Variants in RORB observed in about 807,000 individuals in gnomAD.
RORB encodes the protein nuclear receptor ROR-beta.
Under a neutral mutation model 59.1 loss-of-function variants are expected in RORB, and 6 were observed. The ratio of observed to expected loss-of-function variants is 0.10; its 90% CI spans 0.06 to 0.20. The LOEUF (loss-of-function observed/expected upper bound fraction) is 0.20, where lower values mean the gene tolerates loss of function less well. Among genes scored for constraint, RORB ranks in the 10% least tolerant of loss-of-function variants. The pLI is 1.00. For missense variants in RORB, 320 were observed against 560.5 expected (o/e 0.57, Z 4.33); for synonymous variants, 215 against 204.5 (o/e 1.05, Z -0.44).
At chr9:74,611,815 CT>C (rs1563952446) in intron 1 of RORB, among the ~76,000 whole-genome samples, 2 of 152,058 alleles carry the variant, frequency 1.3e-5, no homozygotes, top group Non-Finnish European at 2.9e-5. Flanking sequence ...GCCTGGCTAA[CT>C]TTTTTGTATT....
chr9:74,639,476 C>A (rs1055710514), intron 3 of RORB, among the ~76,000 whole-genome samples: 1 of 150,282 alleles, frequency 6.7e-6, no homozygotes, highest in Non-Finnish European at 1.5e-5. Flanking sequence ...ACAGAGTATA[C>A]AGAAATCTAA....
At chr9:74,652,404 C>T (rs563657668) in intron 4 of RORB, among the ~76,000 whole-genome samples, 51 of 152,056 alleles carry the variant, frequency 3.4e-4, no homozygotes, top group African/African-American at 1.2e-3. Flanking sequence ...AAGACTCCAA[C>T]TCAAAAGAAA....
At chr9:74,658,560 C>G (rs1312455454) in intron 4 of RORB, among the ~76,000 whole-genome samples, 2 of 151,848 alleles carry the variant, frequency 1.3e-5, no homozygotes, top group East Asian at 3.9e-4. Flanking sequence ...GTTTATAAAC[C>G]CTGAAGCCTG....
At chr9:74,516,837 C>G (rs1826017836) in intron 1 of RORB, among the ~76,000 whole-genome samples, 1 of 151,924 alleles carries the variant, frequency 6.6e-6, no homozygotes, top group Admixed American at 6.6e-5. Context: ...TTAGCACAAT[C>G]TGGTTGAAAA....
At chr9:74,577,335 A>G (rs1822651730) in intron 1 of RORB, among the ~76,000 whole-genome samples, 2 of 151,982 alleles carry the variant, frequency 1.3e-5, no homozygotes, top group Non-Finnish European at 2.9e-5. Context: ...AATTATTACT[A>G]CTTTAAATTA....
chr9:74,568,444 G>A (rs918794803), intron 1 of RORB, among the ~76,000 whole-genome samples: 20 of 152,054 alleles, frequency 1.3e-4, no homozygotes, highest in African/African-American at 4.8e-4. Context: ...GCTCACGCCT[G>A]TAATCCCAGC....
intron 8 of RORB, among the ~76,000 whole-genome samples, chr9:74,671,418 G>A (rs1371938911): frequency 2.0e-5 from 3 of 152,184 alleles, no homozygotes; most frequent in Non-Finnish European, 4.4e-5. Flanking sequence ...AAATATTCCT[G>A]TGATTTTCTT....
chr9:74,506,563 C>T (rs1033747574), intron 1 of RORB, among the ~76,000 whole-genome samples: 3 of 152,062 alleles, frequency 2.0e-5, no homozygotes, highest in Admixed American at 2.0e-4. Flanking sequence ...TAACATGGGT[C>T]CTCATACTAA....
intron 1 of RORB, among the ~76,000 whole-genome samples, chr9:74,534,254 T>C (rs1358500592): frequency 1.3e-5 from 2 of 151,986 alleles, no homozygotes; most frequent in Non-Finnish European, 1.5e-5. Flanking sequence ...GAATGGTGAA[T>C]GGAGGTTGGT....
chr9:74,538,125 G>T (rs144197129), intron 1 of RORB, among the ~76,000 whole-genome samples: 3 of 152,002 alleles, frequency 2.0e-5, no homozygotes, highest in Non-Finnish European at 4.4e-5. Context: ...ACAGTATTTA[G>T]TTCAGTCACA....
At chr9:74,637,123 A>C (rs948487886) in intron 3 of RORB, among the ~76,000 whole-genome samples, 2 of 152,218 alleles carry the variant, frequency 1.3e-5, no homozygotes, top group African/African-American at 4.8e-5. Flanking sequence ...AAAGTGCTCT[A>C]GAAATTGTAC....
At chr9:74,532,837 T>C (rs1826267417) in intron 1 of RORB, among the ~76,000 whole-genome samples, 1 of 135,126 alleles carries the variant, frequency 7.4e-6, no homozygotes, top group African/African-American at 2.7e-5. Context: ...TGTATATATA[T>C]ACACATATAT....
At position 74,666,169 on chromosome 9, in the gene RORB, C is replaced by T. The variant is rs138403567; in HGVS notation, c.1000+574C>T. Among the ~76,000 whole-genome samples the T allele has an allele frequency of 5.0e-3, 764 of 152,246 alleles. 6 individuals carry two copies. The highest frequency in any genetic ancestry group is 0.018 in the African/African-American group (738 of 41,556). ...ACGCATGGTGGCTGACGCCTGTAAT[C>T]CCAGCTACTCAGGAGGCTGAGGCAA... On this transcript the variant is annotated intron_variant, in intron 7 of 9. Transcript: ENST00000376896.
intron 5 of RORB, among the ~76,000 whole-genome samples, chr9:74,661,980 A>G (rs1170610011): frequency 1.3e-5 from 2 of 152,026 alleles, no homozygotes; most frequent in African/African-American, 2.4e-5. Context: ...CACTCTCCAT[A>G]GGTCTGGGAA....
chr9:74,666,146 G>A (rs537733525), intron 7 of RORB, among the ~76,000 whole-genome samples: 17 of 152,216 alleles, frequency 1.1e-4, no homozygotes, highest in African/African-American at 3.9e-4. Flanking sequence ...AATTAGCCAC[G>A]CATGGTGGCT....
intron 1 of RORB, among the ~76,000 whole-genome samples, chr9:74,534,797 A>C (rs1052759079): frequency 7.2e-5 from 11 of 152,088 alleles, no homozygotes; most frequent in Non-Finnish European, 1.3e-4. Flanking sequence ...TTCATTCTGC[A>C]GCTACTGTAC....
At chr9:74,651,159 T>C (rs1823984141) in intron 4 of RORB, among the ~76,000 whole-genome samples, 1 of 152,178 alleles carries the variant, frequency 6.6e-6, no homozygotes, top group Non-Finnish European at 1.5e-5. Flanking sequence ...CTAAGACTCT[T>C]CAAGTGTTTG....
Position 74,685,683 on chromosome 9 carries a change from C to A in RORB, c.*65C>A, listed in dbSNP as rs1824628957. ...ACCATTAAGACAAAAGCAATGTGTT[C>A]ATGAAGACTTAAGAAAAATGTCACT... On this transcript the variant is annotated 3_prime_UTR_variant, in exon 10 of 10. Coordinates refer to ENST00000376896, the MANE Select transcript of RORB (RefSeq NM_006914.4). 14 of 1,299,108 alleles carry A rather than the reference C, an allele frequency of 1.1e-5. No individual in the cohort carries two copies. Among genetic ancestry groups the A allele is most frequent in the African/African-American group, 1.5e-5 (1 of 67,916 alleles). The allele number at this position is 1,299,108 out of a possible 1,614,324, so 80.5% of individuals were successfully genotyped here. A position where few individuals can be genotyped will look rare whatever the true frequency, so the allele number is the denominator to read the frequency against.
chr9:74,506,492 A>G (rs1825873140), intron 1 of RORB, among the ~76,000 whole-genome samples: 1 of 152,078 alleles, frequency 6.6e-6, no homozygotes. Flanking sequence ...GTTAAAGCTC[A>G]GTCATTTTGA....
Sources: allele counts gnomAD v4.1 joint callset (sites outside exome capture counted in the v4.1 genomes callset), GRCh38; gene constraint gnomAD v4.1.1; transcripts MANE v1.5; gene names NCBI Gene and HGNC (gene_info 2026-07-23, HGNC 2026-07-21).